CMIP: variants seen among roughly 807,000 people sequenced by gnomAD.
CMIP encodes c-Maf inducing protein.
A neutral mutation model predicts 97.3 loss-of-function variants in CMIP; 13 were observed. That is an observed-to-expected ratio of 0.13 (90% CI 0.09 to 0.21). CMIP has a LOEUF of 0.21. CMIP is among the 10% of genes least tolerant of loss of function. The probability of loss-of-function intolerance (pLI) is 1.00; values close to 1 mark genes in which losing one functional copy is unlikely to be tolerated. For missense variants in CMIP, 847 were observed against 1,024.9 expected (o/e 0.83, Z 2.37); for synonymous variants, 538 against 436.3 (o/e 1.23, Z -2.91).
intron 1 of CMIP, among the ~76,000 whole-genome samples, chr16:81,521,244 T>C (rs909619888): frequency 1.3e-5 from 2 of 152,200 alleles, no homozygotes. Flanking sequence ...GAGTGGCCTC[T>C]GCATCATTGC....
rs576253315 is a variant in CMIP, at chr16:81,660,822, G to T, written c.682-62G>T. 10 of 1,580,958 alleles carry T rather than the reference G, an allele frequency of 6.3e-6. No homozygotes were observed. In the African/African-American group the frequency reaches 1.3e-4, roughly 21 times the overall value. On this transcript the variant is annotated intron_variant, in intron 5 of 20. Coordinates refer to ENST00000537098, the MANE Select transcript of CMIP (RefSeq NM_198390.3). Reference sequence around the variant, plus strand: ...CACTTCACAATATGGCCTGGAGATTGTTCGAAGTCTTTCCGTGGCTATCTA... The same window carrying T: ...CACTTCACAATATGGCCTGGAGATTTTTCGAAGTCTTTCCGTGGCTATCTA...
intron 1 of CMIP, among the ~76,000 whole-genome samples, chr16:81,533,224 G>C (rs1377654632): frequency 6.6e-6 from 1 of 152,122 alleles, no homozygotes. Context: ...AAAGGCAGGG[G>C]TTTGCCTGTT....
chr16:81,508,972 A>G (rs1252257071), intron 1 of CMIP, among the ~76,000 whole-genome samples: 1 of 151,802 alleles, frequency 6.6e-6, no homozygotes, highest in African/African-American at 2.4e-5. Flanking sequence ...AGTCTCCCCT[A>G]CTCCAGGAAT....
intron 1 of CMIP, among the ~76,000 whole-genome samples, chr16:81,604,114 T>C (rs2091701581): frequency 6.6e-6 from 1 of 152,036 alleles, no homozygotes; most frequent in African/African-American, 2.4e-5. Context: ...ACAGTATGGG[T>C]TGGGTGTGGT....
intron 3 of CMIP, among the ~76,000 whole-genome samples, chr16:81,634,868 C>T (rs1002576240): frequency 2.6e-4 from 40 of 152,118 alleles, no homozygotes; most frequent in African/African-American, 9.7e-4. Flanking sequence ...GCTGCAAGCA[C>T]TAGATAAAGT....
At chr16:81,705,465 C>A in intron 18 of CMIP, 34 bp from the exon 19 acceptor site, 1 of 1,471,522 alleles carries the variant, frequency 6.8e-7, no homozygotes, top group South Asian at 1.2e-5. Flanking sequence ...CCAGGAGTGG[C>A]CGGGAGAGGG....
At chr16:81,608,924 A>G (rs1407966513) in intron 2 of CMIP, among the ~76,000 whole-genome samples, 3 of 152,172 alleles carry the variant, frequency 2.0e-5, no homozygotes, top group Admixed American at 1.3e-4. Flanking sequence ...CTAAAAACCT[A>G]TTTTAGATCT....
intron 1 of CMIP, among the ~76,000 whole-genome samples, chr16:81,457,295 C>G (rs1001537363): frequency 2.0e-5 from 3 of 152,062 alleles, no homozygotes; most frequent in Non-Finnish European, 4.4e-5. Flanking sequence ...CTTGCCTTCT[C>G]CACTCCACAT....
chr16:81,626,788 AGTGTGTGTGTGT>A (rs1035341441), intron 3 of CMIP, among the ~76,000 whole-genome samples: 5 of 63,106 alleles, frequency 7.9e-5, no homozygotes, highest in African/African-American at 2.7e-4. Flanking sequence ...AGAGAGAGAG[AGTGTGTGTGTGT>A]GTGTGTGTGT....
chr16:81,628,923 G>T (rs1385831826), intron 3 of CMIP, among the ~76,000 whole-genome samples: 1 of 151,914 alleles, frequency 6.6e-6, no homozygotes, highest in Non-Finnish European at 1.5e-5. Context: ...ATCACTTGAG[G>T]TCAGGAGTTC....
In CMIP at chr16:81,642,811, G is replaced by A. The variant is rs2092321405; in HGVS notation, c.478-9392G>A. Among the ~76,000 whole-genome samples the A allele has an allele frequency of 1.3e-5, 2 of 152,080 alleles. 1 individual carries two copies. Among genetic ancestry groups the A allele is most frequent in the East Asian group, 3.9e-4 (2 of 5,192 alleles). On this transcript the variant is annotated intron_variant, in intron 3 of 20. Transcript: ENST00000537098. ...CTCGGGAGGCGGAGGCAGGAGAATC[G>A]CTTGAACCCGGGAGGCGGAGTTTGC...
intron 1 of CMIP, chr16:81,495,412 G>C (rs1202617966): frequency 6.3e-7 from 1 of 1,585,904 alleles, no homozygotes; most frequent in Non-Finnish European, 8.6e-7. Flanking sequence ...CAAGCCGGCC[G>C]GGCTGCCGCT....
chr16:81,611,711 C>A (rs1462078339), intron 2 of CMIP, among the ~76,000 whole-genome samples: 2 of 152,184 alleles, frequency 1.3e-5, no homozygotes, highest in Non-Finnish European at 2.9e-5. Flanking sequence ...TGTGTCTCTC[C>A]CCTCTTCTCT....
At chr16:81,539,693 G>T (rs911339915) in intron 1 of CMIP, among the ~76,000 whole-genome samples, 2 of 152,154 alleles carry the variant, frequency 1.3e-5, no homozygotes, top group Non-Finnish European at 2.9e-5. Flanking sequence ...GAGGCCCGCA[G>T]TTCCTGCTAA....
At position 81,453,896 on chromosome 16, in the gene CMIP, G is replaced by T. The variant is rs1906388718; in HGVS notation, c.300+8355G>T. 6.6e-6 allele frequency among the ~76,000 whole-genome samples: 1 copy of T among 152,246 alleles called. No homozygotes were observed. The highest frequency in any genetic ancestry group is 1.5e-5 in the Non-Finnish European group (1 of 68,042). On this transcript the variant is annotated intron_variant, in intron 1 of 20. Coordinates refer to ENST00000537098, the MANE Select transcript of CMIP (RefSeq NM_198390.3). The surrounding 1 kb of genome is among the most constrained non-coding windows in gnomAD (Gnocchi z 4.0). Reference sequence around the variant, plus strand: ...GAACTCAGACACACGGCCACACGGAGTGCAGGGGAAGACTTGGGAACATGG... The same window carrying T: ...GAACTCAGACACACGGCCACACGGATTGCAGGGGAAGACTTGGGAACATGG...
chr16:81,588,880 A>C (rs956020515), intron 1 of CMIP, among the ~76,000 whole-genome samples: 1 of 151,838 alleles, frequency 6.6e-6, no homozygotes, highest in African/African-American at 2.4e-5. Context: ...CTCCCATTTC[A>C]CAGATGAGGA....
chr16:81,624,857 C>G (rs908460904), intron 3 of CMIP, among the ~76,000 whole-genome samples: 3 of 152,190 alleles, frequency 2.0e-5, no homozygotes, highest in Non-Finnish European at 4.4e-5. Flanking sequence ...CTTGGTCACG[C>G]TTTTCCGTCT....
chr16:81,674,492 A>G (rs2092710724), intron 9 of CMIP, among the ~76,000 whole-genome samples: 1 of 152,214 alleles, frequency 6.6e-6, no homozygotes, highest in African/African-American at 2.4e-5. Flanking sequence ...ATTTGGGAAC[A>G]CATCCCTTCC....
At position 81,678,539 on chromosome 16, in the gene CMIP, G is replaced by A; in HGVS notation, c.1299G>A (p.Met433Ile). 1 of 1,606,802 alleles carries A rather than the reference G, an allele frequency of 6.2e-7. No homozygotes were observed. The highest frequency in any genetic ancestry group is 8.5e-7 in the Non-Finnish European group (1 of 1,177,732). The change falls in exon 10 of 21, where the codon ATG (methionine) becomes ATA (isoleucine). Residue 433 changes from methionine (M) to isoleucine (I), a missense_variant. By Grantham distance (10) the Met-to-Ile change is conservative. Transcript: ENST00000537098. ...DSEPNLIDCL[M>I]VSPACSTMSI... ...AGCCCAACCTCATCGACTGCCTCATGGTCAGCCCCGCCTGCAGCACCATGA... is the reference window on the plus strand; with the variant it reads ...AGCCCAACCTCATCGACTGCCTCATAGTCAGCCCCGCCTGCAGCACCATGA...
Sources: allele counts gnomAD v4.1 joint callset (sites outside exome capture counted in the v4.1 genomes callset), GRCh38; gene constraint gnomAD v4.1.1; non-coding constraint Gnocchi (gnomAD v3.1); transcripts MANE v1.5; gene names NCBI Gene and HGNC (gene_info 2026-07-23, HGNC 2026-07-21).